ARX: variants seen among roughly 807,000 people sequenced by gnomAD.
ARX encodes the protein homeobox protein ARX.
Under a neutral mutation model 23.1 loss-of-function variants are expected in ARX, and 1 was observed. That is an observed-to-expected ratio of 0.04 (90% CI 0.02 to 0.21). The LOEUF is 0.21. ARX is among the 10% of genes least tolerant of loss of function. The pLI is 1.00. For missense variants in ARX, 380 were observed against 527.5 expected (o/e 0.72, Z 2.74); for synonymous variants, 301 against 270.1 (o/e 1.11, Z -1.12).
At chrX:25,009,959 G>A (rs2048694913) in intron 3 of ARX, among the ~76,000 whole-genome samples, 1 of 110,733 alleles carries the variant, frequency 9.0e-6, no homozygotes, top group African/African-American at 3.3e-5. Context: ...GTTTCCTATA[G>A]GAGCTTTGGG....
intron 2 of ARX, among the ~76,000 whole-genome samples, chrX:25,012,589 G>T (rs1292405139): frequency 8.8e-6 from 1 of 113,324 alleles, no homozygotes; most frequent in East Asian, 2.8e-4. Context: ...TGCTGTGCGC[G>T]CGTCTCCAAG....
chrX:25,011,826 A>G (rs971636760), intron 2 of ARX, among the ~76,000 whole-genome samples: 1 of 113,055 alleles, frequency 8.8e-6, no homozygotes, highest in African/African-American at 3.2e-5. Flanking sequence ...ATGCACATTG[A>G]AAAGCTGCGC....
intron 2 of ARX, 79 bp downstream of exon 2, chrX:25,012,843 C>T: frequency 8.6e-7 from 1 of 1,166,487 alleles, no homozygotes; most frequent in Non-Finnish European, 1.1e-6. Flanking sequence ...GAGGCCGGGG[C>T]CCCTGCCAGC....
At chrX:25,012,063 G>A (rs951453530) in intron 2 of ARX, among the ~76,000 whole-genome samples, 3 of 112,613 alleles carry the variant, frequency 2.7e-5, no homozygotes, top group Non-Finnish European at 5.6e-5. Flanking sequence ...ATGTTTCCCA[G>A]AAAAACAAGT....
chrX:25,009,630 G>C (rs1264917982), intron 3 of ARX, among the ~76,000 whole-genome samples: 1 of 111,777 alleles, frequency 8.9e-6, no homozygotes, highest in Non-Finnish European at 1.9e-5. Flanking sequence ...CCTGGGTTCG[G>C]AAATGCACTC....
intron 1 of ARX, among the ~76,000 whole-genome samples, chrX:25,014,723 A>G (rs1313332577): frequency 8.9e-6 from 1 of 112,442 alleles, no homozygotes; most frequent in Non-Finnish European, 1.9e-5. Context: ...CCCCCTTCTC[A>G]ACCGTCTGCT....
At position 25,013,427 on chromosome X, in the gene ARX, C is replaced by A; in HGVS notation, c.568G>T (p.Asp190Tyr). The A allele has an allele frequency of 1.1e-6, 1 of 948,649 alleles. No homozygotes were observed. Among genetic ancestry groups the A allele is most frequent in the African/African-American group, 2.1e-5 (1 of 48,213 alleles). The allele number at this position is 948,649 out of a possible 1,213,427, so 78.2% of individuals were successfully genotyped here. A position where few individuals can be genotyped will look rare whatever the true frequency, so the allele number is the denominator to read the frequency against. Residue 190 changes from aspartate to tyrosine, a missense_variant, in exon 2 of 5, where the codon GAC (aspartate) becomes TAC (tyrosine). Around this residue, in one of 3 missense-constraint regions of ARX, gnomAD observed 235 missense variants for 270.2 expected, o/e 0.87. Coordinates refer to ENST00000379044, the MANE Select transcript of ARX (RefSeq NM_139058.3). ...ACGCCCCCCGGGCCGCCCAGCTCGTCCAGCGCGGGCGGCGGCGGCACGAAG... is the reference window on the plus strand; with the variant it reads ...ACGCCCCCCGGGCCGCCCAGCTCGTACAGCGCGGGCGGCGGCGGCACGAAG... ...APFVPPPPAL[D>Y]ELGGPGGVTH...
At chrX:25,007,470 C>G in intron 3 of ARX, 31 bp from the exon 4 acceptor site, 1 of 1,140,968 alleles carries the variant, frequency 8.8e-7, no homozygotes. Context: ...AGGGTCGGCG[C>G]GGCTCGGCCC....
At position 25,004,887 on chromosome X, in the gene ARX, A is replaced by G; in HGVS notation, c.1472T>C (p.Leu491Pro). 1 of 1,142,592 alleles carries G rather than the reference A, an allele frequency of 8.8e-7. No homozygotes were observed. Among genetic ancestry groups the G allele is most frequent in the Non-Finnish European group, 1.2e-6 (1 of 864,026 alleles). 94.2% of individuals were successfully genotyped at this position (1,142,592 alleles called of 1,213,427 possible). Residue 491 changes from leucine to proline, a missense_variant, in exon 5 of 5, where the codon CTG becomes CCG. Physicochemically the swap from Leu to Pro is moderately conservative, Grantham distance 98. Transcript: ENST00000379044. ...CGCGGCCGCGGTCGACGCGCTGGTC[A>G]GGGGGGCCATTGTGGAAAAGAGCCT... ...FGRLFSTMAP[L>P]TSASTAAALL...
Position 25,007,128 on chromosome X carries a change from G to T in ARX, c.1431C>A (p.Ile477=), listed in dbSNP as rs1435254261. ...CGCGTTACCTGCCGAATGCCGGGCTGATGAAAGCTGGGTGTCGGAACACTG... is the reference window on the plus strand; with the variant it reads ...CGCGTTACCTGCCGAATGCCGGGCTTATGAAAGCTGGGTGTCGGAACACTG... ...GAAVFRHPAF[I]SPAFGRLFST... is the part of the protein sequence containing the mutation. Residue 477 remains isoleucine, a synonymous_variant, in exon 4 of 5, where the codon ATC becomes ATA. Transcript: ENST00000379044. The T allele has an allele frequency of 1.7e-6, 2 of 1,197,679 alleles. No homozygotes were observed. Among genetic ancestry groups the T allele is most frequent in the Non-Finnish European group, 2.2e-6 (2 of 889,635 alleles).
intron 1 of ARX, among the ~76,000 whole-genome samples, chrX:25,014,155 C>G (rs1456604073): frequency 4.6e-5 from 5 of 107,614 alleles, no homozygotes; most frequent in Non-Finnish European, 7.7e-5. Context: ...TTCTTTCTCC[C>G]CCTCCCTTCT....
chrX:25,015,236 C>A (rs1295717113), intron 1 of ARX, among the ~76,000 whole-genome samples: 2 of 111,852 alleles, frequency 1.8e-5, no homozygotes, highest in African/African-American at 6.5e-5. Context: ...CTGTTTCTGA[C>A]CTGTCGCCGC....
chrX:25,007,463 G>A (rs908715384), intron 3 of ARX, 24 bp from the exon 4 acceptor site: 1 of 1,145,573 alleles, frequency 8.7e-7, no homozygotes. Flanking sequence ...AGAGCCCAGG[G>A]TCGGCGCGGC....
At chrX:25,007,476 G>A (rs752883529) in intron 3 of ARX, 37 bp from the exon 4 acceptor site, 7 of 1,138,763 alleles carry the variant, frequency 6.1e-6, no homozygotes, top group Non-Finnish European at 8.1e-6. Context: ...GGCGCGGCTC[G>A]GCCCGGCGGG....
At position 25,012,916 on chromosome X, in the gene ARX, G is replaced by A. The variant is rs1176939436; in HGVS notation, c.1073+6C>T. On this transcript the variant is annotated splice_donor_region_variant and intron_variant, in intron 2 of 4. Coordinates refer to ENST00000379044, the MANE Select transcript of ARX (RefSeq NM_139058.3). ...CGCTGCGACCGCGACCACCCTACGC[G>A]CATACCTGGTGAAGACGTCCGGGTA... The A allele has an allele frequency of 3.3e-6, 4 of 1,203,352 alleles. No individual in the cohort carries two copies. The East Asian group carries it at 1.2e-4, about 36-fold the overall frequency.
chrX:25,007,776 G>T (rs1459113235), intron 3 of ARX, among the ~76,000 whole-genome samples: 4 of 111,772 alleles, frequency 3.6e-5, no homozygotes, highest in Non-Finnish European at 5.6e-5. Context: ...ACGCTTGCTA[G>T]GATCTTTAGG....
Position 25,007,188 on chromosome X carries a change from C to G in ARX, c.1371G>C (p.Gly457=), listed in dbSNP as rs781348930. The part of the protein sequence containing the change: ...PPGSASLPPS[G]APLGLSTFLG... The stretch of plus-strand genomic sequence containing the variant: ...GGAAAGTGCTCAGGCCCAGCGGCGC[C>G]CCGCTGGGCGGCAGGCTGGCCGAGC... The change falls in exon 4 of 5, where the codon GGG becomes GGC. Residue 457 remains glycine (G), a synonymous_variant. Transcript: ENST00000379044. 8.4e-7 allele frequency: 1 copy of G among 1,187,544 alleles called. No individual in the cohort carries two copies.
At chrX:25,014,423 G>A (rs2048717304) in intron 1 of ARX, among the ~76,000 whole-genome samples, 1 of 113,343 alleles carries the variant, frequency 8.8e-6, no homozygotes, top group East Asian at 2.8e-4. Context: ...TTGGCAAGAG[G>A]GGTGCAGCCC....
rs767084666 is a variant in ARX at position 25,007,103 on chromosome X, C to T, written c.1448+8G>A. 1.7e-5 allele frequency: 20 copies of T among 1,188,742 alleles called. No homozygotes were observed. Among genetic ancestry groups the T allele is most frequent in the Non-Finnish European group, 2.3e-5 (20 of 884,330 alleles). ...ACAGACAGACAGACTTCCGAGGCTG[C>T]GCGTTACCTGCCGAATGCCGGGCTG... On this transcript the variant is annotated splice_region_variant and intron_variant, in intron 4 of 4. Transcript: ENST00000379044.
Sources: gnomAD v4.1 joint callset for allele counts (sites outside exome capture counted in the v4.1 genomes callset) on GRCh38, gnomAD v4.1.1 for gene constraint, gnomAD v4.1.1 regional missense constraint, MANE v1.5 for transcripts, NCBI Gene and HGNC (gene_info 2026-07-23, HGNC 2026-07-21) for gene names.